ZZZ3: variants seen among roughly 807,000 people sequenced by gnomAD.
ZZZ3 encodes the protein zinc finger ZZ-type containing 3, also known as ZZ-type zinc finger-containing protein 3.
A neutral mutation model predicts 95.2 loss-of-function variants in ZZZ3; 22 were observed. The ratio of observed to expected loss-of-function variants is 0.23; its 90% CI spans 0.17 to 0.33. The LOEUF is 0.33. ZZZ3 is among the 10% of genes least tolerant of loss of function. The pLI, the probability that ZZZ3 is intolerant of heterozygous loss-of-function variation, is 1.00. For synonymous variants in ZZZ3, 335 were observed against 358.9 expected, an observed-to-expected ratio of 0.93 and a Z score of 0.75; for missense variants, 885 against 1,066.5, an observed-to-expected ratio of 0.83 and a Z score of 2.37.
At chr1:77,650,920 T>G (rs1193853540) in intron 1 of ZZZ3, among the ~76,000 whole-genome samples, 1 of 152,198 alleles carries the variant, frequency 6.6e-6, no homozygotes, top group African/African-American at 2.4e-5. Context: ...ATAGATATTT[T>G]CACAACAAGG....
chr1:77,563,922 T>C lies in ZZZ3; in HGVS notation c.*1718A>G, dbSNP rs897450873. 6.6e-6 allele frequency: 1 copy of C among 152,064 alleles called. No individual in the cohort carries two copies. The highest frequency in any genetic ancestry group is 2.4e-5 in the African/African-American group (1 of 41,422). 9.4% of individuals were successfully genotyped at this position (152,064 alleles called of 1,614,324 possible). On this transcript the variant is annotated 3_prime_UTR_variant, in exon 15 of 15. Transcript: ENST00000370801. ...TCATATTTCTATATTTAAAATTCTA[T>C]TACTTTTCTCAATTAAAAAAAATTC... is the stretch of plus-strand genomic sequence containing the variant.
intron 1 of ZZZ3, among the ~76,000 whole-genome samples, chr1:77,648,575 AAC>A (rs1386546425): frequency 5.9e-5 from 9 of 152,160 alleles, no homozygotes; most frequent in Non-Finnish European, 1.3e-4. Context: ...TACTTAGAAA[AAC>A]ACAGAGTTTG....
intron 5 of ZZZ3, among the ~76,000 whole-genome samples, chr1:77,588,391 T>A (rs1351081064): frequency 6.6e-6 from 1 of 151,946 alleles, no homozygotes; most frequent in South Asian, 2.1e-4. Flanking sequence ...GAATATTTAG[T>A]CAAGAAATGA....
chr1:77,647,349 T>A (rs1052796574), intron 1 of ZZZ3, among the ~76,000 whole-genome samples: 2 of 152,002 alleles, frequency 1.3e-5, no homozygotes, highest in Admixed American at 1.3e-4. Context: ...CGAAAACCCA[T>A]CCCTACTAAA....
chr1:77,654,119 C>T (rs544304689), intron 1 of ZZZ3, among the ~76,000 whole-genome samples: 21 of 136,882 alleles, frequency 1.5e-4, no homozygotes, highest in African/African-American at 4.9e-4. Context: ...ACCCAGGAGG[C>T]GGAGATTGCA....
rs947684521 is a variant in ZZZ3 at position 77,566,123 on chromosome 1, G to A, written c.2525C>T (p.Pro842Leu). The A allele has an allele frequency of 6.2e-7, 1 of 1,613,372 alleles. No homozygotes were observed. The highest frequency in any genetic ancestry group is 8.5e-7 in the Non-Finnish European group (1 of 1,179,632). ...QGVRWHCQDCPPEMSLDFCDS... is the reference protein window; with the variant it reads ...QGVRWHCQDCLPEMSLDFCDS... ...ACAGAAATCCAAAGACATTTCTGGA[G>A]GACAATCCTGGCAATGCCACCGAAC... Residue 842 changes from proline to leucine, a missense_variant, in exon 14 of 15, where the codon CCT (proline) becomes CTT (leucine). Physicochemically the swap from Pro to Leu is moderately conservative, Grantham distance 98. Around this residue, in one of 5 missense-constraint regions of ZZZ3, gnomAD observed 221 missense variants for 247.8 expected, o/e 0.89. Coordinates refer to ENST00000370801, the MANE Select transcript of ZZZ3 (RefSeq NM_015534.6).
chr1:77,579,877 AAT>A (rs1444836331), intron 9 of ZZZ3: 1 of 231,792 alleles, frequency 4.3e-6, no homozygotes, highest in African/African-American at 2.3e-5. Context: ...CATAAGTAAA[AAT>A]ATCTCATAAG....
Position 77,632,918 on chromosome 1 carries a change from T to C in ZZZ3, c.437A>G (p.Gln146Arg). The part of the protein sequence containing the change: ...PIKSDKESVE[Q>R]RSTVVDNDAD... Reference sequence around the variant, plus strand: ...ATCATTGTCCACTACTGTACTCCTCTGTTCTACTGACTCCTTGTCTGATTT... The same window carrying C: ...ATCATTGTCCACTACTGTACTCCTCCGTTCTACTGACTCCTTGTCTGATTT... The change falls in exon 5 of 15, where the codon CAG becomes CGG. Residue 146 changes from glutamine to arginine, a missense_variant. Gln to Arg is a conservative substitution (Grantham distance 43). Transcript: ENST00000370801. 1.2e-6 allele frequency: 2 copies of C among 1,614,174 alleles called. No individual in the cohort carries two copies. The highest frequency in any genetic ancestry group is 1.1e-5 in the South Asian group (1 of 91,082).
chr1:77,600,139 AAT>A (rs1313376686), intron 5 of ZZZ3, among the ~76,000 whole-genome samples: 2 of 152,088 alleles, frequency 1.3e-5, no homozygotes, highest in African/African-American at 4.8e-5. Context: ...AAAAAAAAAA[AAT>A]CATGTTTGAC....
chr1:77,615,346 T>C (rs1363881725), intron 5 of ZZZ3, among the ~76,000 whole-genome samples: 2 of 152,360 alleles, frequency 1.3e-5, no homozygotes, highest in East Asian at 3.9e-4. Context: ...ATATTCTGAA[T>C]CTTTAAACAA....
intron 5 of ZZZ3, among the ~76,000 whole-genome samples, chr1:77,616,021 T>A (rs769410286): frequency 2.0e-5 from 3 of 152,196 alleles, no homozygotes; most frequent in Non-Finnish European, 4.4e-5. Flanking sequence ...ACACTGTGTA[T>A]AATGTTTATA....
At chr1:77,647,531 A>G (rs1557760065) in intron 1 of ZZZ3, among the ~76,000 whole-genome samples, 2 of 152,136 alleles carry the variant, frequency 1.3e-5, no homozygotes, top group South Asian at 2.1e-4. Flanking sequence ...GAAGGAAAAA[A>G]AAAAAAAATA....
intron 1 of ZZZ3, among the ~76,000 whole-genome samples, chr1:77,674,648 TC>T (rs1351084815): frequency 4.6e-5 from 7 of 152,030 alleles, no homozygotes. Context: ...AGAGGAGATT[TC>T]TCCTTAGGAA....
At chr1:77,572,874 A>C (rs1416599571) in intron 12 of ZZZ3, among the ~76,000 whole-genome samples, 1 of 150,556 alleles carries the variant, frequency 6.6e-6, no homozygotes. Flanking sequence ...TTGAACTCCC[A>C]GGCTCAAGCG....
intron 5 of ZZZ3, among the ~76,000 whole-genome samples, chr1:77,590,415 C>T (rs1369107758): frequency 2.0e-5 from 3 of 152,270 alleles, no homozygotes; most frequent in Admixed American, 6.5e-5. Flanking sequence ...CAATAGGAGT[C>T]TAACTAAAGT....
At chr1:77,640,777 A>G (rs1668714628) in intron 3 of ZZZ3, among the ~76,000 whole-genome samples, 1 of 152,196 alleles carries the variant, frequency 6.6e-6, no homozygotes, top group Admixed American at 6.5e-5. Context: ...TGGGGAAAGC[A>G]TTACAACTTA....
intron 1 of ZZZ3, among the ~76,000 whole-genome samples, chr1:77,652,017 CAA>C (rs772354211): frequency 5.3e-4 from 39 of 74,270 alleles, no homozygotes; most frequent in East Asian, 7.7e-4. Flanking sequence ...ACTCCATCTC[CAA>C]AAAAAAAAAA....
rs186240240 is a variant in ZZZ3 at position 77,607,219 on chromosome 1, G to A, written c.1506-22564C>T. Among the ~76,000 whole-genome samples the A allele has an allele frequency of 2.0e-5, 3 of 152,318 alleles. No individual in the cohort carries two copies. The East Asian group carries it at 5.8e-4, about 29-fold the overall frequency. On this transcript the variant is annotated intron_variant, in intron 5 of 14. Coordinates refer to ENST00000370801, the MANE Select transcript of ZZZ3 (RefSeq NM_015534.6). The stretch of plus-strand genomic sequence containing the variant: ...GAACAAAGTCACGTCTTACATGGGG[G>A]CATGCAAAAGGACTTGTGCAGGGGA...
intron 1 of ZZZ3, among the ~76,000 whole-genome samples, chr1:77,649,870 T>C (rs1327121590): frequency 2.7e-5 from 4 of 148,238 alleles, no homozygotes; most frequent in Non-Finnish European, 6.0e-5. Context: ...CAAAACTCCA[T>C]CTCAAAAAAA....
Sources: allele counts gnomAD v4.1 joint callset (sites outside exome capture counted in the v4.1 genomes callset), GRCh38; gene constraint gnomAD v4.1.1; regional missense constraint gnomAD v4.1.1; transcripts MANE v1.5; gene names NCBI Gene and HGNC (gene_info 2026-07-23, HGNC 2026-07-21).